The following TRAFD1 variants were observed in gnomAD, a reference collection of about 807,000 sequenced individuals.
The protein encoded by TRAFD1 is TRAF-type zinc finger domain containing 1.
In TRAFD1, 38 loss-of-function variants were observed where a neutral mutation model predicts 65.3. The observed-to-expected ratio is 0.58, with a 90% CI of 0.45 to 0.76. TRAFD1 has a LOEUF of 0.76. Ranked by LOEUF, TRAFD1 falls within the 30% of genes least tolerant of loss-of-function variation. TRAFD1 has a pLI of 0.00. For synonymous variants in TRAFD1, 223 were observed against 257.2 expected (o/e 0.87, Z 1.27); for missense variants, 631 against 712.6 (o/e 0.89, Z 1.30).
chr12:112,133,760 A>T (rs1244661403), intron 2 of TRAFD1, among the ~76,000 whole-genome samples: 1 of 148,810 alleles, frequency 6.7e-6, no homozygotes, highest in African/African-American at 2.5e-5. Flanking sequence ...GCTGGAGTGC[A>T]GTGGCATGAT....
intron 4 of TRAFD1, among the ~76,000 whole-genome samples, chr12:112,135,973 C>T (rs1395162275): frequency 2.0e-5 from 3 of 151,358 alleles, no homozygotes; most frequent in Non-Finnish European, 4.4e-5. Flanking sequence ...GAAACCCTGT[C>T]TCTGTTAAAA....
Position 112,148,102 on chromosome 12 carries a change from C to T in TRAFD1, c.956C>T (p.Pro319Leu), listed in dbSNP as rs1307583419. The T allele has an allele frequency of 1.2e-6, 2 of 1,614,158 alleles. No homozygotes were observed. Among genetic ancestry groups the T allele is most frequent in the Admixed American group, 3.3e-5 (2 of 60,008 alleles). The change falls in exon 8 of 12, where the codon CCT becomes CTT. Residue 319 changes from proline (P) to leucine (L), a missense_variant. By Grantham distance (98) the Pro-to-Leu change is moderately conservative. Transcript: ENST00000412615. The stretch of plus-strand genomic sequence containing the variant: ...AGCTGTAACCCTTCACGTGCCTTAC[C>T]TTCACTCAATACTGGCAGCTCTTCC... The part of the protein sequence containing the change: ...QTSCNPSRAL[P>L]SLNTGSSSPR...
chr12:112,143,794 G>A (rs1199632474), intron 6 of TRAFD1, among the ~76,000 whole-genome samples: 1 of 141,052 alleles, frequency 7.1e-6, no homozygotes, highest in Non-Finnish European at 1.5e-5. Flanking sequence ...GTGCAGTGGT[G>A]TGATCGCGGC....
chr12:112,128,496 C>T (rs1022401506), intron 1 of TRAFD1, among the ~76,000 whole-genome samples: 1 of 152,158 alleles, frequency 6.6e-6, no homozygotes, highest in Non-Finnish European at 1.5e-5. Flanking sequence ...GCTTTGCTTT[C>T]TGCATTGACA....
intron 4 of TRAFD1, among the ~76,000 whole-genome samples, chr12:112,139,818 G>A (rs2030032787): frequency 6.6e-6 from 1 of 152,096 alleles, no homozygotes; most frequent in African/African-American, 2.4e-5. Context: ...GGCTAACGTG[G>A]TGAAACCCCT....
At chr12:112,149,645 C>G in intron 8 of TRAFD1, 106 bp from the exon 9 acceptor site, 1 of 1,481,066 alleles carries the variant, frequency 6.8e-7, no homozygotes, top group Non-Finnish European at 9.2e-7. Context: ...CAGAGGTTGT[C>G]AAAGTCCCCC....
chr12:112,146,518 G>A (rs2030254446), intron 7 of TRAFD1, among the ~76,000 whole-genome samples: 1 of 152,218 alleles, frequency 6.6e-6, no homozygotes, highest in East Asian at 1.9e-4. Context: ...TTGATTTATT[G>A]GAGCTGTATT....
chr12:112,130,670 C>A lies in TRAFD1; in HGVS notation c.47+101C>A. On this transcript the variant is annotated intron_variant, in intron 2 of 11. Coordinates refer to ENST00000412615, the MANE Select transcript of TRAFD1 (RefSeq NM_006700.3). The surrounding 1 kb of genome is among the most constrained non-coding windows in gnomAD (Gnocchi z 4.4). ...AACTGTTAGTGAAGACTGGCACAGTCTTGAGTTAAGCTTTCTATTTTGGTG... is the reference window on the plus strand; with the variant it reads ...AACTGTTAGTGAAGACTGGCACAGTATTGAGTTAAGCTTTCTATTTTGGTG... The A allele has an allele frequency of 1.0e-6, 1 of 989,392 alleles. No individual in the cohort carries two copies. The highest frequency in any genetic ancestry group is 1.5e-6 in the Non-Finnish European group (1 of 662,652). The allele number at this position is 989,392 out of a possible 1,614,324, so 61.3% of individuals were successfully genotyped here. A position where few individuals can be genotyped will look rare whatever the true frequency, so the allele number is the denominator to read the frequency against.
chr12:112,144,288 G>C (rs577416172), intron 6 of TRAFD1, among the ~76,000 whole-genome samples: 13 of 133,062 alleles, frequency 9.8e-5, no homozygotes, highest in African/African-American at 3.6e-4. Context: ...TTTTTTTCTT[G>C]AGACAGAGTC....
At chr12:112,135,190 A>C in intron 4 of TRAFD1, 124 bp downstream of exon 4, 2 of 1,161,860 alleles carry the variant, frequency 1.7e-6, no homozygotes, top group Non-Finnish European at 2.5e-6. Context: ...ACTGTTTCTC[A>C]AAGCCTGTTT....
chr12:112,144,467 T>C (rs2030182445), intron 6 of TRAFD1, among the ~76,000 whole-genome samples: 1 of 152,104 alleles, frequency 6.6e-6, no homozygotes, highest in African/African-American at 2.4e-5. Context: ...GACAGGGTTT[T>C]ACCGTGTCGC....
chr12:112,141,122 C>T lies in TRAFD1; in HGVS notation c.541C>T (p.Leu181=). 6.2e-7 allele frequency: 1 copy of T among 1,614,206 alleles called. No individual in the cohort carries two copies. Among genetic ancestry groups the T allele is most frequent in the Non-Finnish European group, 8.5e-7 (1 of 1,180,034 alleles). The part of the protein sequence containing the change: ...QIEALDPPMR[L]PRRPLRAFES... ...TGAGGCTCTGGACCCACCCATGAGG[C>T]TGCCGCGAAGGCCCCTGAGAGCCTT... Residue 181 remains leucine (L), a synonymous_variant, in exon 5 of 12, where the codon CTG becomes TTG. Coordinates refer to ENST00000412615, the MANE Select transcript of TRAFD1 (RefSeq NM_006700.3).
chr12:112,134,622 G>T, intron 2 of TRAFD1, 116 bp from the exon 3 acceptor site: 1 of 1,232,228 alleles, frequency 8.1e-7, no homozygotes, highest in Non-Finnish European at 1.1e-6. Flanking sequence ...ATTCACTAAA[G>T]ATAAATAATG....
Position 112,142,270 on chromosome 12 carries a change from T to C in TRAFD1, c.825T>C (p.Gly275=), listed in dbSNP as rs776401752. 1.5e-5 allele frequency: 24 copies of C among 1,613,522 alleles called. 1 individual carries two copies. The highest frequency in any genetic ancestry group is 5.5e-5 in the South Asian group (5 of 91,064). Residue 275 remains glycine (G), a synonymous_variant, in exon 6 of 12, where the codon GGT becomes GGC. Transcript: ENST00000412615. ...GTGAGGCCGACCAGTCTCATGGCGG[T>C]CCCAGGTCTCTCAGTGACATAAAGG... is the stretch of plus-strand genomic sequence containing the variant. ...AVCEADQSHG[G]PRSLSDIKGA...
At chr12:112,150,868 CTTATTA>C (rs1160710304) in intron 9 of TRAFD1, among the ~76,000 whole-genome samples, 2 of 150,650 alleles carry the variant, frequency 1.3e-5, no homozygotes, top group Admixed American at 6.6e-5. Flanking sequence ...CAGCCTCAAA[CTTATTA>C]TTATTACTTA....
chr12:112,145,661 AG>A lies in TRAFD1; in HGVS notation c.927+1del. The A allele has an allele frequency of 6.2e-7, 1 of 1,614,044 alleles. No individual in the cohort carries two copies. Among genetic ancestry groups the A allele is most frequent in the Non-Finnish European group, 8.5e-7 (1 of 1,179,958 alleles). On this transcript the variant is annotated frameshift_variant and splice_region_variant, in exon 7 of 12. Coordinates refer to ENST00000412615, the MANE Select transcript of TRAFD1 (RefSeq NM_006700.3). LOFTEE classifies it high-confidence loss of function. ...LYPEELLIDH[Q>X]TSCNPSRALP... is the part of the protein sequence containing the mutation. Reference sequence around the variant, plus strand: ...CCAGAGGAACTGCTGATTGACCATCAGGTGTGTTATGAATTACTTGAGGACT... The same window carrying A: ...CCAGAGGAACTGCTGATTGACCATCAGTGTGTTATGAATTACTTGAGGACT...
intron 4 of TRAFD1, among the ~76,000 whole-genome samples, chr12:112,140,607 C>T (rs2030059127): frequency 6.6e-6 from 1 of 151,792 alleles, no homozygotes; most frequent in Admixed American, 6.6e-5. Context: ...TAGTGGGCTC[C>T]CTCTAATATT....
chr12:112,145,236 G>GT (rs1174151707), intron 6 of TRAFD1, among the ~76,000 whole-genome samples: 2 of 152,186 alleles, frequency 1.3e-5, no homozygotes, highest in African/African-American at 4.8e-5. Context: ...TACTTCGTAA[G>GT]TTTTTTCTGA....
chr12:112,135,214 T>C, intron 4 of TRAFD1, 148 bp downstream of exon 4: 1 of 890,380 alleles, frequency 1.1e-6, no homozygotes, highest in Non-Finnish European at 1.8e-6. Context: ...GCCTTGACTA[T>C]GTAACTGCTG....
Sources: gnomAD v4.1 joint callset for allele counts (sites outside exome capture counted in the v4.1 genomes callset) on GRCh38, gnomAD v4.1.1 for gene constraint, Gnocchi (gnomAD v3.1) non-coding constraint, MANE v1.5 for transcripts, NCBI Gene and HGNC (gene_info 2026-07-23, HGNC 2026-07-21) for gene names.